Variants in RNF168 observed in about 807,000 individuals in gnomAD.
The protein encoded by RNF168 is ring finger protein 168, also known as E3 ubiquitin-protein ligase RNF168.
Under a neutral mutation model 34.9 loss-of-function variants are expected in RNF168, and 34 were observed. That is an observed-to-expected ratio of 0.97 (90% CI 0.74 to 1.30). The LOEUF (loss-of-function observed/expected upper bound fraction) is 1.30. RNF168 is among the 50% of genes most tolerant of loss of function. RNF168 has a pLI of 0.00. For missense variants in RNF168, 725 were observed against 682.5 expected, an observed-to-expected ratio of 1.06 and a Z score of -0.69; for synonymous variants, 264 against 254.7, an observed-to-expected ratio of 1.04 and a Z score of -0.35.
intron 5 of RNF168, 150 bp from the exon 6 acceptor site, chr3:196,472,922 T>C: frequency 1.7e-6 from 1 of 574,640 alleles, no homozygotes; most frequent in East Asian, 2.8e-5. Context: ...TTCTTTTTTT[T>C]TCAGAGTCTT....
chr3:196,475,107 G>A, intron 5 of RNF168, 124 bp downstream of exon 5: 1 of 684,758 alleles, frequency 1.5e-6, no homozygotes, highest in South Asian at 1.6e-5. Context: ...GAGCCTAAGA[G>A]GACTCAGACA....
chr3:196,492,767 G>C (rs181553299), intron 1 of RNF168, among the ~76,000 whole-genome samples: 78 of 151,518 alleles, frequency 5.1e-4, no homozygotes, highest in Non-Finnish European at 7.2e-4. Context: ...GACAGAGAGA[G>C]ACTCCATCTC....
intron 4 of RNF168, among the ~76,000 whole-genome samples, chr3:196,476,120 A>C (rs1208683977): frequency 1.3e-5 from 2 of 152,086 alleles, no homozygotes; most frequent in African/African-American, 4.8e-5. Flanking sequence ...TCAGCCTCCC[A>C]AAGTGCTGGG....
intron 5 of RNF168, chr3:196,474,673 C>CCTGACCTCA (rs1560266575): frequency 6.4e-6 from 1 of 155,838 alleles, no homozygotes; most frequent in African/African-American, 2.4e-5. Flanking sequence ...ATCTCGAACC[C>CCTGACCTCA]CTGACCTCAG....
chr3:196,478,567 T>C (rs1732207489), intron 4 of RNF168, among the ~76,000 whole-genome samples: 1 of 152,206 alleles, frequency 6.6e-6, no homozygotes, highest in African/African-American at 2.4e-5. Context: ...TCAATTAAAC[T>C]CTGTTAATTT....
intron 1 of RNF168, among the ~76,000 whole-genome samples, chr3:196,499,815 CAAAA>C (rs1003269275): frequency 4.6e-5 from 7 of 151,990 alleles, no homozygotes; most frequent in Non-Finnish European, 2.9e-5. Context: ...AAAACAGAAA[CAAAA>C]AGAATGAATG....
At chr3:196,477,013 G>A (rs1394847999) in intron 4 of RNF168, among the ~76,000 whole-genome samples, 1 of 152,178 alleles carries the variant, frequency 6.6e-6, no homozygotes, top group Non-Finnish European at 1.5e-5. Context: ...CTCCCTAAGT[G>A]TTGGGATTAC....
intron 4 of RNF168, among the ~76,000 whole-genome samples, chr3:196,476,755 T>C (rs1361082857): frequency 1.3e-5 from 2 of 148,794 alleles, no homozygotes; most frequent in African/African-American, 5.1e-5. Flanking sequence ...TTACATTTCT[T>C]TCTTTTTTTT....
At chr3:196,495,691 C>T (rs1732724945) in intron 1 of RNF168, among the ~76,000 whole-genome samples, 1 of 152,136 alleles carries the variant, frequency 6.6e-6, no homozygotes, top group Non-Finnish European at 1.5e-5. Flanking sequence ...GTATCCTTCA[C>T]CCTTTGTAAT....
chr3:196,497,028 C>T (rs9843876), intron 1 of RNF168, among the ~76,000 whole-genome samples: 37,930 of 151,866 alleles, frequency 0.25, 6,183 homozygotes, highest in East Asian at 0.69. Context: ...TGCCTGTAAT[C>T]GCAGCTACTC....
chr3:196,496,541 G>GA (rs1380772980), intron 1 of RNF168, among the ~76,000 whole-genome samples: 1 of 151,914 alleles, frequency 6.6e-6, no homozygotes, highest in African/African-American at 2.4e-5. Context: ...CTTCATTACT[G>GA]AAAAAAATTG....
intron 5 of RNF168, chr3:196,475,026 T>C: frequency 1.8e-6 from 1 of 545,808 alleles, no homozygotes; most frequent in Non-Finnish European, 3.3e-6. Flanking sequence ...AGAGAAAAAC[T>C]TTGCTTTTTG....
chr3:196,492,702 C>T (rs1479289511), intron 1 of RNF168, among the ~76,000 whole-genome samples: 1 of 152,018 alleles, frequency 6.6e-6, no homozygotes, highest in African/African-American at 2.4e-5. Context: ...CGCTTGAACC[C>T]GAGAGGCAGA....
At chr3:196,484,000 G>A (rs1732358037) in intron 3 of RNF168, 109 bp from the exon 4 acceptor site, 3 of 859,434 alleles carry the variant, frequency 3.5e-6, no homozygotes, top group Admixed American at 1.9e-5. Context: ...AGAAATTATA[G>A]TTATATTTAA....
At chr3:196,500,526 G>C (rs1475659164) in intron 1 of RNF168, among the ~76,000 whole-genome samples, 3 of 152,192 alleles carry the variant, frequency 2.0e-5, no homozygotes, top group Non-Finnish European at 4.4e-5. Flanking sequence ...TGAGCCTCAA[G>C]GGTGTGGAAA....
At chr3:196,474,619 G>A (rs554771677) in intron 5 of RNF168, among the ~76,000 whole-genome samples, 1 of 151,722 alleles carries the variant, frequency 6.6e-6, no homozygotes, top group Non-Finnish European at 1.5e-5. Flanking sequence ...GGCTAATTTT[G>A]TATTTTTTTG....
chr3:196,480,958 ATTTATT>A (rs1174200831), intron 4 of RNF168, among the ~76,000 whole-genome samples: 1 of 152,044 alleles, frequency 6.6e-6, no homozygotes, highest in Non-Finnish European at 1.5e-5. Flanking sequence ...ATTTTAACAC[ATTTATT>A]TTTAAGTACT....
At chr3:196,492,472 T>C (rs917292160) in intron 1 of RNF168, among the ~76,000 whole-genome samples, 5 of 151,978 alleles carry the variant, frequency 3.3e-5, no homozygotes, top group Admixed American at 2.6e-4. Context: ...GATAAAGAGA[T>C]AGTTAAAAAA....
chr3:196,500,878 A>T (rs1732866341), intron 1 of RNF168, among the ~76,000 whole-genome samples: 1 of 151,384 alleles, frequency 6.6e-6, no homozygotes, highest in African/African-American at 2.4e-5. Context: ...TGCCCGGCTA[A>T]TTTTTTGTAT....
Sources: allele counts gnomAD v4.1 joint callset (sites outside exome capture counted in the v4.1 genomes callset), GRCh38; gene constraint gnomAD v4.1.1; transcripts MANE v1.5; gene names NCBI Gene and HGNC (gene_info 2026-07-23, HGNC 2026-07-21).